KIF26A: variants seen among roughly 807,000 people sequenced by gnomAD.
The protein encoded by KIF26A is kinesin-like protein KIF26A.
In KIF26A, 74 loss-of-function variants were observed where a neutral mutation model predicts 126.0. The ratio of observed to expected loss-of-function variants is 0.59; its 90% confidence interval spans 0.49 to 0.71. The LOEUF is 0.71. Ranked by LOEUF, KIF26A falls within the 30% of genes least tolerant of loss-of-function variation. KIF26A has a pLI of 0.00. For synonymous variants in KIF26A, 1,445 were observed against 1,232.7 expected (o/e 1.17, Z -3.61); for missense variants, 2,984 against 2,763.3 (o/e 1.08, Z -1.79).
At position 104,175,279 on chromosome 14, in the gene KIF26A, C is replaced by A; in HGVS notation, c.2491C>A (p.Arg831=). Residue 831 remains arginine, a synonymous_variant, in exon 12 of 15, where the codon CGA becomes AGA. Transcript: ENST00000423312. ...LSRHRPSKGP[R]DADHFRCSTF... The stretch of plus-strand genomic sequence containing the variant: ...CCGCCACCGGCCCTCCAAGGGTCCC[C>A]GAGACGCAGACCACTTCCGCTGCAG... 1 of 1,605,302 alleles carries A rather than the reference C, an allele frequency of 6.2e-7. No individual in the cohort carries two copies.
chr14:104,165,605 GTGTCTC>G (rs1246766521), intron 4 of KIF26A, among the ~76,000 whole-genome samples: 5 of 145,916 alleles, frequency 3.4e-5, no homozygotes, highest in African/African-American at 8.1e-5. Context: ...ATGCATGTGT[GTGTCTC>G]TGTCTCTGTA....
At chr14:104,156,168 C>G (rs946522413) in intron 3 of KIF26A, among the ~76,000 whole-genome samples, 17 of 152,224 alleles carry the variant, frequency 1.1e-4, no homozygotes, top group African/African-American at 4.1e-4. Flanking sequence ...GGCTCAGGAC[C>G]TGCTGTTAAT....
At chr14:104,161,674 G>GC (rs1214439398) in intron 4 of KIF26A, among the ~76,000 whole-genome samples, 1 of 152,158 alleles carries the variant, frequency 6.6e-6, no homozygotes, top group Non-Finnish European at 1.5e-5. Context: ...GTGAGCATCT[G>GC]CCCCCAGACC....
chr14:104,179,413 G>GC (rs2038075616), intron 14 of KIF26A, 27 bp downstream of exon 14: 2 of 1,473,690 alleles, frequency 1.4e-6, no homozygotes, highest in Non-Finnish European at 1.8e-6. Flanking sequence ...CACGGACCCA[G>GC]CCCGGCCCAC....
Position 104,178,681 on chromosome 14 carries a change from A to T in KIF26A, c.5242A>T (p.Ile1748Phe). 6.4e-7 allele frequency: 1 copy of T among 1,562,666 alleles called. No individual in the cohort carries two copies. The highest frequency in any genetic ancestry group is 8.7e-7 in the Non-Finnish European group (1 of 1,154,332). ...TGGCTCCCTGAAGGAGCCGTTCGAGATCAAGGTGTACGAGATCGATGACGT... is the reference window on the plus strand; with the variant it reads ...TGGCTCCCTGAAGGAGCCGTTCGAGTTCAAGGTGTACGAGATCGATGACGT... The part of the protein sequence containing the change: ...LAGSLKEPFE[I>F]KVYEIDDVER... Residue 1748 changes from isoleucine (I) to phenylalanine (F), a missense_variant, in exon 13 of 15, where the codon ATC (isoleucine) becomes TTC (phenylalanine). Transcript: ENST00000423312.
At chr14:104,169,626 A>G (rs950276823) in intron 5 of KIF26A, among the ~76,000 whole-genome samples, 3 of 152,256 alleles carry the variant, frequency 2.0e-5, no homozygotes, top group Admixed American at 6.5e-5. Flanking sequence ...ATATTGTCAC[A>G]GAAAAGAAGT....
intron 5 of KIF26A, among the ~76,000 whole-genome samples, chr14:104,171,457 CCT>C (rs1343070616): frequency 2.0e-5 from 3 of 152,172 alleles, no homozygotes; most frequent in African/African-American, 7.2e-5. Context: ...CCCGCCGCCC[CCT>C]CATTCTCTGT....
chr14:104,175,594 C>G lies in KIF26A; in HGVS notation c.2806C>G (p.Pro936Ala). 6.2e-7 allele frequency: 1 copy of G among 1,609,964 alleles called. No individual in the cohort carries two copies. The highest frequency in any genetic ancestry group is 8.5e-7 in the Non-Finnish European group (1 of 1,179,684). ...DSSAWPELLVPEKAAVSGGRR... is the reference protein window; with the variant it reads ...DSSAWPELLVAEKAAVSGGRR... ...CAGCGCTTGGCCTGAGCTGCTGGTC[C>G]CGGAAAAGGCTGCAGTGAGTGGAGG... Residue 936 changes from proline to alanine, a missense_variant, in exon 12 of 15, where the codon CCG (proline) becomes GCG (alanine). Coordinates refer to ENST00000423312, the MANE Select transcript of KIF26A (RefSeq NM_015656.2).
At position 104,179,926 on chromosome 14, in the gene KIF26A, G is replaced by A. The variant is rs905201095; in HGVS notation, c.*136G>A. 68 of 978,334 alleles carry A rather than the reference G, an allele frequency of 7.0e-5. No homozygotes were observed. Among genetic ancestry groups the A allele is most frequent in the Non-Finnish European group, 1.2e-5 (8 of 692,352 alleles). The allele number at this position is 978,334 out of a possible 1,614,324, so 60.6% of individuals were successfully genotyped here. On this transcript the variant is annotated 3_prime_UTR_variant, in exon 15 of 15. Transcript: ENST00000423312. ...TGCAGGACGGGAGTCTCAGAGAGGA[G>A]ACGGAGTGTGGGGGAGGGAGGGCCG...
chr14:104,179,419 C>A, intron 14 of KIF26A, 33 bp downstream of exon 14: 1 of 1,423,754 alleles, frequency 7.0e-7, no homozygotes. Context: ...CCCAGCCCGG[C>A]CCACCGTGTG....
chr14:104,174,973 T>A lies in KIF26A; in HGVS notation c.2194-9T>A, dbSNP rs988835036. ...ACTGGGCTCGGCAGCTCCACTTTTC[T>A]TCCCCCAGTACGCCTCCAGCTCCTC... On this transcript the variant is annotated splice_polypyrimidine_tract_variant and intron_variant, in intron 11 of 14. Transcript: ENST00000423312. The A allele has an allele frequency of 1.3e-6, 2 of 1,517,730 alleles. No individual in the cohort carries two copies. The highest frequency in any genetic ancestry group is 1.8e-6 in the Non-Finnish European group (2 of 1,134,282). 94.0% of individuals were successfully genotyped at this position (1,517,730 alleles called of 1,614,324 possible). A position where few individuals can be genotyped will look rare whatever the true frequency, so the allele number is the denominator to read the frequency against.
rs192192649 is a variant in KIF26A at position 104,148,456 on chromosome 14, G to A, written c.289-3559G>A. On this transcript the variant is annotated intron_variant, in intron 2 of 14. Coordinates refer to ENST00000423312, the MANE Select transcript of KIF26A (RefSeq NM_015656.2). The surrounding 1 kb of genome is among the most constrained non-coding windows in gnomAD (Gnocchi z 4.3). ...GGCCTGGGTGACAGGCGGGCCTGCT[G>A]GCTGGGGCTTTGAGGAGTTCAGATT... 4.3e-3 allele frequency among the ~76,000 whole-genome samples: 657 copies of A among 152,296 alleles called. 3 individuals carry two copies. The highest frequency in any genetic ancestry group is 6.8e-3 in the Middle Eastern group (2 of 294).
At position 104,175,112 on chromosome 14, in the gene KIF26A, G is replaced by A; in HGVS notation, c.2324G>A (p.Gly775Asp). The change falls in exon 12 of 15, where the codon GGT becomes GAT. Residue 775 changes from glycine to aspartate, a missense_variant. Transcript: ENST00000423312. ...DPDRTPPCLP[G>D]DPDYSSSSEQ... ...GACCGCACGCCTCCCTGCCTGCCCG[G>A]TGACCCCGATTACTCCTCCAGCAGC... The A allele has an allele frequency of 6.2e-7, 1 of 1,605,392 alleles. No homozygotes were observed. The highest frequency in any genetic ancestry group is 8.5e-7 in the Non-Finnish European group (1 of 1,177,146).
chr14:104,144,169 C>T (rs910029495), intron 2 of KIF26A, among the ~76,000 whole-genome samples: 1 of 152,198 alleles, frequency 6.6e-6, no homozygotes, highest in Non-Finnish European at 1.5e-5. Flanking sequence ...TCTTGTCTCT[C>T]TTGCTTCTTT....
chr14:104,150,197 T>C (rs1275307889), intron 2 of KIF26A, among the ~76,000 whole-genome samples: 41 of 65,056 alleles, frequency 6.3e-4, no homozygotes, highest in African/African-American at 8.7e-4. Context: ...CTCATCCCCC[T>C]CCCCCACCCC....
chr14:104,174,071 C>A (rs2037989407), intron 10 of KIF26A, 77 bp from the exon 11 acceptor site: 2 of 1,447,496 alleles, frequency 1.4e-6, no homozygotes, highest in Non-Finnish European at 9.2e-7. Context: ...CAGACTGATC[C>A]CAGGGCTGCC....
chr14:104,139,148 G>T lies in KIF26A; in HGVS notation c.148G>T (p.Ala50Ser). The T allele has an allele frequency of 6.6e-7, 1 of 1,515,232 alleles. No homozygotes were observed. Among genetic ancestry groups the T allele is most frequent in the Non-Finnish European group, 8.8e-7 (1 of 1,132,160 alleles). 93.9% of individuals were successfully genotyped at this position (1,515,232 alleles called of 1,614,324 possible). A position where few individuals can be genotyped will look rare whatever the true frequency, so the allele number is the denominator to read the frequency against. Residue 50 changes from alanine (A) to serine (S), a missense_variant, in exon 2 of 15, where the codon GCT becomes TCT. By Grantham distance (99) the Ala-to-Ser change is moderately conservative (BLOSUM62 1). Transcript: ENST00000423312. ...PDQDPCGSRP[A>S]PEGAGAGPEQ... ...CCAGGACCCATGCGGCAGCCGCCCT[G>T]CTCCCGAAGGCGCCGGGGCCGGCCC...
intron 4 of KIF26A, among the ~76,000 whole-genome samples, chr14:104,163,680 T>C (rs374604197): frequency 1.3e-4 from 20 of 151,060 alleles, no homozygotes; most frequent in African/African-American, 4.9e-4. Flanking sequence ...GGGACCCCAG[T>C]GACCCCGGAA....
chr14:104,145,695 G>C (rs116700279), intron 2 of KIF26A, among the ~76,000 whole-genome samples: 2,178 of 152,264 alleles, frequency 0.014, 57 homozygotes, highest in African/African-American at 0.05. Flanking sequence ...TCCCTCCCCA[G>C]CTCATAGCTT....
Sources: gnomAD v4.1 joint callset for allele counts (sites outside exome capture counted in the v4.1 genomes callset) on GRCh38, gnomAD v4.1.1 for gene constraint, Gnocchi (gnomAD v3.1) non-coding constraint, MANE v1.5 for transcripts, NCBI Gene and HGNC (gene_info 2026-07-23, HGNC 2026-07-21) for gene names.